The following MACROD2 variants were observed in gnomAD, a reference collection of about 807,000 sequenced individuals.
MACROD2 encodes ADP-ribose glycohydrolase MACROD2.
MACROD2 carries 36 observed loss-of-function variants against 70.4 expected under a neutral mutation model. The observed-to-expected ratio is 0.51, with a 90% CI of 0.39 to 0.68. MACROD2 has a LOEUF of 0.68. Among genes scored for constraint, MACROD2 ranks in the 30% least tolerant of loss-of-function variants. The probability of loss-of-function intolerance (pLI) is 0.00; values close to 1 mark genes in which losing one functional copy is unlikely to be tolerated. For synonymous variants in MACROD2, 172 were observed against 178.8 expected, an observed-to-expected ratio of 0.96 and a Z score of 0.30; for missense variants, 496 against 538.4, an observed-to-expected ratio of 0.92 and a Z score of 0.78.
chr20:14,014,663 A>G (rs1032103974), intron 2 of MACROD2, among the ~76,000 whole-genome samples: 13 of 152,146 alleles, frequency 8.5e-5, no homozygotes, highest in Middle Eastern at 3.4e-3. Context: ...CCTCCTGCAG[A>G]TATATCTGTT....
chr20:15,168,441 A>ATGTGTGTGTGTGTG (rs56188346), intron 5 of MACROD2, among the ~76,000 whole-genome samples: 40 of 134,724 alleles, frequency 3.0e-4, no homozygotes, highest in South Asian at 7.9e-4. Context: ...ACATTGTGGG[A>ATGTGTGTGTGTGTG]TGTGTGTGTG....
chr20:15,787,842 A>G lies in MACROD2; in HGVS notation c.646-74903A>G, dbSNP rs16996538. ...TCAAGTTTAATCTTCTCTCCTGTGA[A>G]TAAGCCTACTGCTGTATGAAATGCT... On this transcript the variant is annotated intron_variant, in intron 8 of 17. Transcript: ENST00000684519. 7.2e-3 allele frequency among the ~76,000 whole-genome samples: 1,094 copies of G among 152,334 alleles called. 15 individuals carry two copies. Among genetic ancestry groups the G allele is most frequent in the African/African-American group, 0.025 (1,029 of 41,556 alleles).
rs1358685977 is a variant in MACROD2 at position 14,392,393 on chromosome 20, G to T, written c.272-101086G>T. ...CAGTTAGACTTTTCTGAAACTTTAT[G>T]TGACTTCAAAAGATTATTCTAATTC... is the stretch of plus-strand genomic sequence containing the variant. On this transcript the variant is annotated intron_variant, in intron 3 of 17. Coordinates refer to ENST00000684519, the MANE Select transcript of MACROD2 (RefSeq NM_001351661.2). Among the ~76,000 whole-genome samples, 6 of 151,920 alleles carry T rather than the reference G, an allele frequency of 3.9e-5. No individual in the cohort carries two copies. The East Asian group carries it at 9.6e-4, about 24-fold the overall frequency.
At chr20:15,837,062 T>C (rs1268153992) in intron 8 of MACROD2, among the ~76,000 whole-genome samples, 1 of 152,166 alleles carries the variant, frequency 6.6e-6, no homozygotes, top group African/African-American at 2.4e-5. Flanking sequence ...AGCACACATA[T>C]GTACTTGGTC....
At chr20:15,958,237 A>G (rs2066005422) in intron 12 of MACROD2, among the ~76,000 whole-genome samples, 1 of 152,200 alleles carries the variant, frequency 6.6e-6, no homozygotes, top group Non-Finnish European at 1.5e-5. Context: ...ACATTTACAT[A>G]GTGTCCGGCA....
intron 6 of MACROD2, among the ~76,000 whole-genome samples, chr20:15,257,387 A>T (rs1000715342): frequency 6.6e-6 from 1 of 152,100 alleles, no homozygotes; most frequent in African/African-American, 2.4e-5. Context: ...CCTACAAATG[A>T]CACTTATTGA....
chr20:14,215,091 TTCCATCATATATATCTA>T (rs1384323002), intron 3 of MACROD2, among the ~76,000 whole-genome samples: 2 of 147,614 alleles, frequency 1.4e-5, no homozygotes, highest in East Asian at 3.9e-4. Context: ...TATATATCTA[TTCCATCATATATATCTA>T]TTCCATCATA....
intron 8 of MACROD2, among the ~76,000 whole-genome samples, chr20:15,588,351 A>C (rs951328124): frequency 6.6e-6 from 1 of 152,088 alleles, no homozygotes; most frequent in African/African-American, 2.4e-5. Context: ...TGAGCCTGTG[A>C]TGGGAGGGGC....
intron 10 of MACROD2, among the ~76,000 whole-genome samples, chr20:15,890,836 C>T (rs1370476480): frequency 6.6e-6 from 1 of 152,054 alleles, no homozygotes; most frequent in Non-Finnish European, 1.5e-5. Context: ...ACGAAGGCGA[C>T]AGCTGCTAAG....
intron 3 of MACROD2, among the ~76,000 whole-genome samples, chr20:14,421,160 T>C (rs1357952626): frequency 6.6e-6 from 1 of 152,240 alleles, no homozygotes; most frequent in Non-Finnish European, 1.5e-5. Flanking sequence ...ACAAGAAATA[T>C]TGATTTGTAG....
intron 8 of MACROD2, among the ~76,000 whole-genome samples, chr20:15,533,228 G>T (rs1034057345): frequency 6.6e-6 from 1 of 152,156 alleles, no homozygotes. Flanking sequence ...CATTCTAAAA[G>T]TTTAATGCCA....
intron 15 of MACROD2, among the ~76,000 whole-genome samples, chr20:15,988,675 G>A (rs1601282874): frequency 6.6e-6 from 1 of 152,076 alleles, no homozygotes; most frequent in Non-Finnish European, 1.5e-5. Context: ...TGGGAAAAAA[G>A]CAAGGTGAAA....
At chr20:14,324,216 G>C (rs543572187) in intron 3 of MACROD2, 2 of 152,316 alleles carry the variant, frequency 1.3e-5, no homozygotes, top group African/African-American at 4.8e-5. Context: ...TTTAAAAGCT[G>C]AATACATGTA....
At chr20:15,205,955 T>C (rs1462030454) in intron 5 of MACROD2, among the ~76,000 whole-genome samples, 1 of 152,328 alleles carries the variant, frequency 6.6e-6, no homozygotes, top group East Asian at 1.9e-4. Flanking sequence ...TTGGTGTTAC[T>C]GCTTGTTGGG....
rs543993384 is a variant in MACROD2 at position 14,503,135 on chromosome 20, C to T, written c.301+9627C>T. Among the ~76,000 whole-genome samples, 13 of 152,194 alleles carry T rather than the reference C, an allele frequency of 8.5e-5. No individual in the cohort carries two copies. In the East Asian group the frequency reaches 2.1e-3, roughly 25 times the overall value. On this transcript the variant is annotated intron_variant, in intron 4 of 17. Coordinates refer to ENST00000684519, the MANE Select transcript of MACROD2 (RefSeq NM_001351661.2). ...GCACATGCTTGGCACTGGGGAGGAA[C>T]AAGGGATCCCACAGAATAGAGTTAA...
At chr20:14,293,880 G>C (rs752959507) in intron 3 of MACROD2, among the ~76,000 whole-genome samples, 1 of 151,836 alleles carries the variant, frequency 6.6e-6, no homozygotes, top group Non-Finnish European at 1.5e-5. Context: ...GCCATTGGAA[G>C]AGTATGAAAA....
At chr20:15,759,145 C>CAAAAA (rs57212358) in intron 8 of MACROD2, among the ~76,000 whole-genome samples, 2,465 of 58,710 alleles carry the variant, frequency 0.042, 175 homozygotes, top group African/African-American at 0.068. Flanking sequence ...GACTCCATCT[C>CAAAAA]AAAAAAAAAA....
intron 4 of MACROD2, 66 bp from the exon 5 acceptor site, chr20:14,684,777 C>T: frequency 7.7e-7 from 1 of 1,295,724 alleles, no homozygotes; most frequent in South Asian, 1.2e-5. Flanking sequence ...CTTCCTCTTC[C>T]CATCTTGAGC....
intron 5 of MACROD2, among the ~76,000 whole-genome samples, chr20:14,788,988 C>T (rs766544483): frequency 5.1e-4 from 77 of 151,856 alleles, no homozygotes; most frequent in Admixed American, 3.7e-3. Context: ...AGGCTGGTCT[C>T]GAACTCCTGA....
Sources: allele counts gnomAD v4.1 joint callset (sites outside exome capture counted in the v4.1 genomes callset), GRCh38; gene constraint gnomAD v4.1.1; transcripts MANE v1.5; gene names NCBI Gene and HGNC (gene_info 2026-07-23, HGNC 2026-07-21).